The following CHST12 variants were observed in gnomAD, a reference collection of about 807,000 sequenced individuals.
CHST12 encodes the protein carbohydrate sulfotransferase 12.
Under a neutral mutation model 27.9 loss-of-function variants are expected in CHST12, and 23 were observed. The ratio of observed to expected loss-of-function variants is 0.82; its 90% CI spans 0.59 to 1.17. The LOEUF (loss-of-function observed/expected upper bound fraction) is 1.17. Among genes scored for constraint, CHST12 ranks in the 50% most tolerant of loss-of-function variants. The pLI, the probability that CHST12 is intolerant of heterozygous loss-of-function variation, is 0.00. For missense variants in CHST12, 682 were observed against 603.0 expected (o/e 1.13, Z -1.37); for synonymous variants, 322 against 273.0 (o/e 1.18, Z -1.77).
intron 1 of CHST12, among the ~76,000 whole-genome samples, chr7:2,419,882 GC>G (rs1239565330): frequency 2.1e-5 from 3 of 141,524 alleles, no homozygotes; most frequent in Non-Finnish European, 3.0e-5. Flanking sequence ...CCCCTCCCCT[GC>G]CCCCACAACC....
rs1169033571 is a variant in CHST12, at chr7:2,446,942, T to G, written c.*13058T>G. 1 of 152,188 alleles carries G rather than the reference T, an allele frequency of 6.6e-6. No individual in the cohort carries two copies. The highest frequency in any genetic ancestry group is 2.4e-5 in the African/African-American group (1 of 41,436). 9.4% of individuals were successfully genotyped at this position (152,188 alleles called of 1,614,324 possible). A position where few individuals can be genotyped will look rare whatever the true frequency, so the allele number is the denominator to read the frequency against. ...CCACTGGGTCCAGTAAGACAGAGCC[T>G]CGAGTCATTCTGCCAAGAGGATCCA... On this transcript the variant is annotated 3_prime_UTR_variant, in exon 2 of 2. Transcript: ENST00000618655.
chr7:2,414,280 T>G (rs1359730070), intron 1 of CHST12, among the ~76,000 whole-genome samples: 1 of 151,808 alleles, frequency 6.6e-6, no homozygotes, highest in Non-Finnish European at 1.5e-5. Flanking sequence ...TTTTTATTTT[T>G]CTTTTTCTTT....
rs1484853394 is a variant in CHST12 at position 2,439,828 on chromosome 7, G to A, written c.*5944G>A. On this transcript the variant is annotated 3_prime_UTR_variant, in exon 2 of 2. Coordinates refer to ENST00000618655, the MANE Select transcript of CHST12 (RefSeq NM_018641.5). ...CGGGAGGCGGAGCTTGCAGTGAGCGGAGATTGGCGCCACTACACTCCAGCC... is the reference window on the plus strand; with the variant it reads ...CGGGAGGCGGAGCTTGCAGTGAGCGAAGATTGGCGCCACTACACTCCAGCC... 6.6e-6 allele frequency: 1 copy of A among 151,930 alleles called. No individual in the cohort carries two copies. Among genetic ancestry groups the A allele is most frequent in the Non-Finnish European group, 1.5e-5 (1 of 68,020 alleles). 9.4% of individuals were successfully genotyped at this position (151,930 alleles called of 1,614,324 possible). A position where few individuals can be genotyped will look rare whatever the true frequency, so the allele number is the denominator to read the frequency against.
rs1047198237 is a variant in CHST12, at chr7:2,440,625, G to A, written c.*6741G>A. 5 of 152,184 alleles carry A rather than the reference G, an allele frequency of 3.3e-5. No homozygotes were observed. Among genetic ancestry groups the A allele is most frequent in the African/African-American group, 1.2e-4 (5 of 41,426 alleles). 9.4% of individuals were successfully genotyped at this position (152,184 alleles called of 1,614,324 possible). On this transcript the variant is annotated 3_prime_UTR_variant, in exon 2 of 2. Coordinates refer to ENST00000618655, the MANE Select transcript of CHST12 (RefSeq NM_018641.5). ...AGGGCCAGCCCGAGGTACCCACAGTGGAGGGTCTACAGGCTGATTTGGGAG... is the reference window on the plus strand; with the variant it reads ...AGGGCCAGCCCGAGGTACCCACAGTAGAGGGTCTACAGGCTGATTTGGGAG...
intron 1 of CHST12, among the ~76,000 whole-genome samples, chr7:2,426,524 G>T (rs1320611697): frequency 2.6e-5 from 4 of 152,104 alleles, no homozygotes; most frequent in Non-Finnish European, 5.9e-5. Flanking sequence ...ATGAGTAGGT[G>T]TCTACTGATG....
intron 1 of CHST12, among the ~76,000 whole-genome samples, chr7:2,413,313 T>G (rs1274694129): frequency 2.0e-5 from 3 of 152,190 alleles, no homozygotes; most frequent in Non-Finnish European, 1.5e-5. Context: ...GCATTCATAT[T>G]AGAGAGAGAA....
At chr7:2,413,125 C>T (rs777937857) in intron 1 of CHST12, among the ~76,000 whole-genome samples, 2 of 152,174 alleles carry the variant, frequency 1.3e-5, no homozygotes, top group African/African-American at 2.4e-5. Context: ...CTAGTTTGTT[C>T]TTCTTTTGTA....
chr7:2,430,872 G>T (rs1423453819), intron 1 of CHST12, among the ~76,000 whole-genome samples: 1 of 152,238 alleles, frequency 6.6e-6, no homozygotes, highest in Non-Finnish European at 1.5e-5. Context: ...ACAGATGTGA[G>T]CCACCGTGCC....
chr7:2,430,809 A>C (rs911416564), intron 1 of CHST12, among the ~76,000 whole-genome samples: 2 of 152,186 alleles, frequency 1.3e-5, no homozygotes, highest in Non-Finnish European at 2.9e-5. Flanking sequence ...GCTGGTCTCC[A>C]ACTCCTGATC....
In CHST12 at chr7:2,433,368, C is replaced by T. The variant is rs1390007723; in HGVS notation, c.729C>T (p.Phe243=). Reference sequence around the variant, plus strand: ...TCAAGAAGTACACCAAGTTCCTCTTCGTGCGCGACCCCTTCGTGCGCCTGA... The same window carrying T: ...TCAAGAAGTACACCAAGTTCCTCTTTGTGCGCGACCCCTTCGTGCGCCTGA... ...VKLKKYTKFL[F]VRDPFVRLIS... The change falls in exon 2 of 2, where the codon TTC becomes TTT. Residue 243 remains phenylalanine, a synonymous_variant. Coordinates refer to ENST00000618655, the MANE Select transcript of CHST12 (RefSeq NM_018641.5). The surrounding 1 kb of genome is among the most constrained non-coding windows in gnomAD (Gnocchi z 6.1). The T allele has an allele frequency of 1.2e-6, 2 of 1,611,068 alleles. No homozygotes were observed. The highest frequency in any genetic ancestry group is 1.1e-5 in the South Asian group (1 of 91,086).
Position 2,433,257 on chromosome 7 carries a change from C to A in CHST12, c.618C>A (p.His206Gln), listed in dbSNP as rs140606388. Residue 206 changes from histidine (H) to glutamine (Q), a missense_variant, in exon 2 of 2, where the codon CAC becomes CAA. Physicochemically the swap from His to Gln is conservative, Grantham distance 24. Transcript: ENST00000618655. The surrounding 1 kb of genome is among the most constrained non-coding windows in gnomAD (Gnocchi z 6.1). The part of the protein sequence containing the change: ...YRDPLRIPRE[H>Q]VHNASAHLTF... ...ACCCGCTGCGCATCCCGCGCGAGCA[C>A]GTGCACAACGCCAGCGCGCACCTGA... 3 of 1,611,500 alleles carry A rather than the reference C, an allele frequency of 1.9e-6. No homozygotes were observed. The highest frequency in any genetic ancestry group is 1.7e-5 in the Admixed American group (1 of 59,960).
rs1199083812 is a variant in CHST12 at position 2,434,132 on chromosome 7, G to A, written c.*248G>A. 1 of 310,728 alleles carries A rather than the reference G, an allele frequency of 3.2e-6. No homozygotes were observed. Among genetic ancestry groups the A allele is most frequent in the East Asian group, 6.1e-5 (1 of 16,470 alleles). The allele number at this position is 310,728 out of a possible 1,614,324, so 19.2% of individuals were successfully genotyped here. A position where few individuals can be genotyped will look rare whatever the true frequency, so the allele number is the denominator to read the frequency against. On this transcript the variant is annotated 3_prime_UTR_variant, in exon 2 of 2. Coordinates refer to ENST00000618655, the MANE Select transcript of CHST12 (RefSeq NM_018641.5). The stretch of plus-strand genomic sequence containing the variant: ...CGCCCACCCGCCCGCCCGCTCGCCC[G>A]CTCGCCCGCTCCTGTGGTTTTTCTG...
chr7:2,407,581 A>G (rs1781556652), intron 1 of CHST12, among the ~76,000 whole-genome samples: 1 of 152,168 alleles, frequency 6.6e-6, no homozygotes, highest in Non-Finnish European at 1.5e-5. Context: ...GGCCAGTACC[A>G]CGGGTGAAAA....
intron 1 of CHST12, among the ~76,000 whole-genome samples, chr7:2,415,973 A>T (rs559900250): frequency 6.6e-6 from 1 of 152,292 alleles, no homozygotes; most frequent in African/African-American, 2.4e-5. Context: ...CTTTTACAAA[A>T]GGTTTTCCTG....
Position 2,432,141 on chromosome 7 carries a change from C to CAAAAAAAAAAAAAAAAAAAAAAAA in CHST12, c.-77-409_-77-386dup, listed in dbSNP as rs34061454. ...TGGGCGACAGAGCGAGACTCCATAT[C>CAAAAAAAAAAAAAAAAAAAAAAAA]AAAAAAAAAAAAAAAAAAAAAAAAA... On this transcript the variant is annotated intron_variant, in intron 1 of 1. Coordinates refer to ENST00000618655, the MANE Select transcript of CHST12 (RefSeq NM_018641.5). Among the ~76,000 whole-genome samples, 7 of 17,112 alleles carry CAAAAAAAAAAAAAAAAAAAAAAAA rather than the reference C, an allele frequency of 4.1e-4. 3 individuals are homozygous for CAAAAAAAAAAAAAAAAAAAAAAAA. Among genetic ancestry groups the CAAAAAAAAAAAAAAAAAAAAAAAA allele is most frequent in the African/African-American group, 7.1e-4 (3 of 4,200 alleles). 11.2% of individuals were successfully genotyped at this position (17,112 alleles called of 152,430 possible).
intron 1 of CHST12, among the ~76,000 whole-genome samples, chr7:2,416,296 C>T (rs898347401): frequency 3.9e-5 from 6 of 152,234 alleles, no homozygotes; most frequent in Non-Finnish European, 7.3e-5. Context: ...ACCACATCTG[C>T]TGTTACTTCC....
chr7:2,444,501 G>GCTGT lies in CHST12; in HGVS notation c.*10619_*10622dup, dbSNP rs1782699880. 6.5e-6 allele frequency: 1 copy of GCTGT among 153,138 alleles called. No homozygotes were observed. Among genetic ancestry groups the GCTGT allele is most frequent in the Non-Finnish European group, 1.5e-5 (1 of 68,772 alleles). 9.5% of individuals were successfully genotyped at this position (153,138 alleles called of 1,614,324 possible). ...CAAAAATCAAAGTGCCAACCTCTGGGCTGTCCCCTCCTGGCCTGCCTTGTT... is the reference window on the plus strand; with the variant it reads ...CAAAAATCAAAGTGCCAACCTCTGGGCTGTCTGTCCCCTCCTGGCCTGCCTTGTT... On this transcript the variant is annotated 3_prime_UTR_variant, in exon 2 of 2. Transcript: ENST00000618655.
In CHST12 at chr7:2,434,500, C is replaced by G. The variant is rs767343627; in HGVS notation, c.*616C>G. 6.4e-6 allele frequency: 1 copy of G among 155,430 alleles called. No individual in the cohort carries two copies. The highest frequency in any genetic ancestry group is 1.5e-5 in the Non-Finnish European group (1 of 66,948). 9.6% of individuals were successfully genotyped at this position (155,430 alleles called of 1,614,324 possible). A position where few individuals can be genotyped will look rare whatever the true frequency, so the allele number is the denominator to read the frequency against. ...GTGACTCAGGCAGGTAATCCCAGAACTTTGGGAGGCCCAGACAGAAGGATC... is the reference window on the plus strand; with the variant it reads ...GTGACTCAGGCAGGTAATCCCAGAAGTTTGGGAGGCCCAGACAGAAGGATC... On this transcript the variant is annotated 3_prime_UTR_variant, in exon 2 of 2. Coordinates refer to ENST00000618655, the MANE Select transcript of CHST12 (RefSeq NM_018641.5).
intron 1 of CHST12, among the ~76,000 whole-genome samples, chr7:2,405,718 G>T (rs1781506577): frequency 6.6e-6 from 1 of 152,134 alleles, no homozygotes; most frequent in Non-Finnish European, 1.5e-5. Context: ...GTGAGATGTG[G>T]CGACCTGTAA....
Sources: allele counts gnomAD v4.1 joint callset (sites outside exome capture counted in the v4.1 genomes callset), GRCh38; gene constraint gnomAD v4.1.1; non-coding constraint Gnocchi (gnomAD v3.1); transcripts MANE v1.5; gene names NCBI Gene and HGNC (gene_info 2026-07-23, HGNC 2026-07-21).